The following ATF6 variants were observed in gnomAD, a reference collection of about 807,000 sequenced individuals.
ATF6 encodes the protein activating transcription factor 6.
ATF6 carries 53 observed loss-of-function variants against 83.6 expected under a neutral mutation model. The observed-to-expected ratio is 0.63, with a 90% confidence interval of 0.51 to 0.80. The LOEUF (loss-of-function observed/expected upper bound fraction) is 0.80, where lower values mean the gene tolerates loss of function less well. Ranked by LOEUF, ATF6 falls within the 30% of genes least tolerant of loss-of-function variation. The pLI is 0.00. For missense variants in ATF6, 744 were observed against 797.9 expected, an observed-to-expected ratio of 0.93 and a Z score of 0.81; for synonymous variants, 288 against 285.8, an observed-to-expected ratio of 1.01 and a Z score of -0.08.
chr1:161,888,229 T>C (rs1353776334), intron 14 of ATF6, among the ~76,000 whole-genome samples: 1 of 152,226 alleles, frequency 6.6e-6, no homozygotes, highest in Non-Finnish European at 1.5e-5. Context: ...ACTTCCCTGC[T>C]TTTTTAAAAG....
chr1:161,937,873 A>G (rs1688569848), intron 15 of ATF6, among the ~76,000 whole-genome samples: 1 of 123,342 alleles, frequency 8.1e-6, no homozygotes. Context: ...CATGTATCCC[A>G]GAACTGAAAA....
chr1:161,862,019 G>T (rs1245488556), intron 13 of ATF6, among the ~76,000 whole-genome samples: 5 of 152,214 alleles, frequency 3.3e-5, no homozygotes, highest in Admixed American at 1.3e-4. Context: ...GTTAAAGAAG[G>T]TATCTCTAAA....
At chr1:161,907,532 C>G (rs1687899464) in intron 14 of ATF6, among the ~76,000 whole-genome samples, 1 of 151,934 alleles carries the variant, frequency 6.6e-6, no homozygotes, top group South Asian at 2.1e-4. Flanking sequence ...CTCAGTGTCA[C>G]AAGTGCAGCC....
At chr1:161,818,505 T>G (rs1043198550) in intron 7 of ATF6, among the ~76,000 whole-genome samples, 2 of 152,184 alleles carry the variant, frequency 1.3e-5, no homozygotes, top group African/African-American at 4.8e-5. Context: ...GTTAACATTC[T>G]TGAAACAATT....
rs563420499 is a variant in ATF6 at position 161,944,161 on chromosome 1, C to T, written c.1805-14285C>T. On this transcript the variant is annotated intron_variant, in intron 15 of 15. Coordinates refer to ENST00000367942, the MANE Select transcript of ATF6 (RefSeq NM_007348.4). Reference sequence around the variant, plus strand: ...TTTGGTGCTCAGTTAGGCCAGAATCCGAAAAAGTTGTAAGTTAAGTTCTGA... The same window carrying T: ...TTTGGTGCTCAGTTAGGCCAGAATCTGAAAAAGTTGTAAGTTAAGTTCTGA... Among the ~76,000 whole-genome samples, 115 of 152,196 alleles carry T rather than the reference C, an allele frequency of 7.6e-4. 2 individuals are homozygous for T. The South Asian group carries it at 0.023, about 30-fold the overall frequency.
chr1:161,893,015 A>G (rs796635686), intron 14 of ATF6, among the ~76,000 whole-genome samples: 5 of 152,276 alleles, frequency 3.3e-5, no homozygotes, highest in African/African-American at 1.2e-4. Context: ...TGTCTTCTCA[A>G]CAGTAAGCTA....
chr1:161,919,273 G>A (rs1688157464), intron 15 of ATF6, among the ~76,000 whole-genome samples: 1 of 152,108 alleles, frequency 6.6e-6, no homozygotes, highest in South Asian at 2.1e-4. Context: ...GCTTTGAAAA[G>A]GCTTTTTTAA....
At chr1:161,957,192 A>G (rs1688985880) in intron 15 of ATF6, among the ~76,000 whole-genome samples, 1 of 152,046 alleles carries the variant, frequency 6.6e-6, no homozygotes, top group Non-Finnish European at 1.5e-5. Flanking sequence ...AAAAAGTAGA[A>G]TAGAAAGAAT....
intron 13 of ATF6, among the ~76,000 whole-genome samples, chr1:161,860,997 G>A (rs145804241): frequency 2.0e-4 from 31 of 152,288 alleles, no homozygotes; most frequent in African/African-American, 7.5e-4. Flanking sequence ...CTCTTACTTT[G>A]TGGGCTCAAG....
chr1:161,897,590 C>G (rs1023595029), intron 14 of ATF6, among the ~76,000 whole-genome samples: 5 of 152,082 alleles, frequency 3.3e-5, no homozygotes, highest in Admixed American at 6.6e-5. Context: ...GTTTTCTGTT[C>G]GGGAGGAAGC....
At chr1:161,948,487 G>A (rs754596347) in intron 15 of ATF6, among the ~76,000 whole-genome samples, 5 of 152,154 alleles carry the variant, frequency 3.3e-5, no homozygotes, top group Admixed American at 6.5e-5. Context: ...GCTGAGAGTA[G>A]TATCTGCATT....
chr1:161,792,386 C>G, intron 6 of ATF6, 59 bp downstream of exon 6: 1 of 1,486,012 alleles, frequency 6.7e-7, no homozygotes, highest in South Asian at 1.2e-5. Flanking sequence ...AGGGTTGTGT[C>G]ATATGATTTG....
intron 9 of ATF6, among the ~76,000 whole-genome samples, chr1:161,834,453 A>T (rs1169544262): frequency 6.6e-6 from 1 of 152,148 alleles, no homozygotes; most frequent in Non-Finnish European, 1.5e-5. Flanking sequence ...GCCATAAAAA[A>T]GATGAATTCA....
chr1:161,830,353 G>C (rs10800036), intron 9 of ATF6, among the ~76,000 whole-genome samples: 137,074 of 151,714 alleles, frequency 0.9, 62,090 homozygotes, highest in African/African-American at 0.97. Flanking sequence ...AATCAATATC[G>C]TGGAAATGGC....
intron 15 of ATF6, among the ~76,000 whole-genome samples, chr1:161,922,744 G>C (rs189610331): frequency 6.6e-5 from 10 of 151,956 alleles, no homozygotes; most frequent in African/African-American, 9.7e-5. Flanking sequence ...GAATGTGTTC[G>C]TTTTAGGATT....
At chr1:161,791,936 G>A (rs991490165) in intron 5 of ATF6, among the ~76,000 whole-genome samples, 188 bp from the exon 6 acceptor site, 5 of 152,198 alleles carry the variant, frequency 3.3e-5, no homozygotes, top group Non-Finnish European at 5.9e-5. Flanking sequence ...TAGAAAAGGA[G>A]GTAACAGTTT....
At chr1:161,774,574 C>A (rs1684473062) in intron 1 of ATF6, among the ~76,000 whole-genome samples, 1 of 152,140 alleles carries the variant, frequency 6.6e-6, no homozygotes, top group Non-Finnish European at 1.5e-5. Flanking sequence ...TGCATTTACT[C>A]AATTTCTCTC....
Position 161,858,246 on chromosome 1 carries a change from A to G in ATF6, c.1534-1961A>G, listed in dbSNP as rs1308917636. Among the ~76,000 whole-genome samples the G allele has an allele frequency of 1.3e-5, 2 of 152,240 alleles. 1 individual carries two copies. Among genetic ancestry groups the G allele is most frequent in the Non-Finnish European group, 2.9e-5 (2 of 68,044 alleles). On this transcript the variant is annotated intron_variant, in intron 12 of 15. Coordinates refer to ENST00000367942, the MANE Select transcript of ATF6 (RefSeq NM_007348.4). ...CAAATAGAATAAATTAAAAATGCAT[A>G]CCAAGATGGTAGACTTAAATCCAAC...
rs774727601 is a variant in ATF6, at chr1:161,766,341, A to C, written c.-20A>C. On this transcript the variant is annotated 5_prime_UTR_variant, in exon 1 of 16. Transcript: ENST00000367942. ...TCCCAGATATTAATCACGGAGTTCCAGGGAGAAGGAACTTGTGAAATGGGG... is the reference window on the plus strand; with the variant it reads ...TCCCAGATATTAATCACGGAGTTCCCGGGAGAAGGAACTTGTGAAATGGGG... 3.1e-6 allele frequency: 5 copies of C among 1,608,588 alleles called. No homozygotes were observed. Among genetic ancestry groups the C allele is most frequent in the Middle Eastern group, 3.3e-4 (2 of 6,042 alleles).
Sources: gnomAD v4.1 joint callset for allele counts (sites outside exome capture counted in the v4.1 genomes callset) on GRCh38, gnomAD v4.1.1 for gene constraint, MANE v1.5 for transcripts, NCBI Gene and HGNC (gene_info 2026-07-23, HGNC 2026-07-21) for gene names.